The following RIMS1 variants were observed in gnomAD, a reference collection of about 807,000 sequenced individuals.
RIMS1 encodes the protein regulating synaptic membrane exocytosis 1, also known as regulating synaptic membrane exocytosis protein 1.
Under a neutral mutation model 214.1 loss-of-function variants are expected in RIMS1, and 83 were observed. The observed-to-expected ratio is 0.39, with a 90% CI of 0.32 to 0.47. The LOEUF is 0.47. Among genes scored for constraint, RIMS1 ranks in the 20% least tolerant of loss-of-function variants. The pLI is 0.99. For missense variants in RIMS1, 2,050 were observed against 2,161.8 expected (o/e 0.95, Z 1.03); for synonymous variants, 793 against 786.8 (o/e 1.01, Z -0.13).
At chr6:71,916,249 T>G (rs1376536431) in intron 1 of RIMS1, among the ~76,000 whole-genome samples, 1 of 152,140 alleles carries the variant, frequency 6.6e-6, no homozygotes, top group Non-Finnish European at 1.5e-5. Context: ...AAAGCTGGAA[T>G]GAGCTCCCAG....
intron 4 of RIMS1, among the ~76,000 whole-genome samples, chr6:72,145,816 G>A (rs2042673915): frequency 6.6e-6 from 1 of 152,090 alleles, no homozygotes; most frequent in African/African-American, 2.4e-5. Context: ...ACAAAAAACA[G>A]TTTCTCCAAT....
At chr6:72,335,580 A>G (rs577635258) in intron 29 of RIMS1, among the ~76,000 whole-genome samples, 6 of 152,154 alleles carry the variant, frequency 3.9e-5, no homozygotes, top group African/African-American at 1.4e-4. Flanking sequence ...TCCTTTGGAT[A>G]TATACCCAGT....
At chr6:72,258,866 T>C in intron 17 of RIMS1, 120 bp from the exon 18 acceptor site, 1 of 946,474 alleles carries the variant, frequency 1.1e-6, no homozygotes, top group Admixed American at 1.9e-5. Flanking sequence ...GTTTTGATTA[T>C]GATGCAAATA....
chr6:71,973,973 A>T (rs968729774), intron 2 of RIMS1, among the ~76,000 whole-genome samples: 2 of 152,130 alleles, frequency 1.3e-5, no homozygotes, highest in Non-Finnish European at 2.9e-5. Context: ...CAGTGGAGTC[A>T]TGCTGTACTG....
At chr6:72,388,942 CTT>C (rs2098658476) in intron 29 of RIMS1, among the ~76,000 whole-genome samples, 1 of 152,098 alleles carries the variant, frequency 6.6e-6, no homozygotes, top group Admixed American at 6.5e-5. Context: ...GGATTAATGA[CTT>C]CAGCATTTAT....
chr6:72,182,670 C>A lies in RIMS1; in HGVS notation c.1199C>A (p.Ala400Glu), dbSNP rs751895213. Residue 400 changes from alanine to glutamate, a missense_variant, in exon 6 of 34, where the codon GCG (alanine) becomes GAG (glutamate). Ala to Glu is a moderately radical substitution (Grantham distance 107, BLOSUM62 -1). Transcript: ENST00000521978. ...GACGTGGCGCTCCCGCGCACCGAGGCGGGCGCGGCGCTGCCGGAGGGCAAG... is the reference window on the plus strand; with the variant it reads ...GACGTGGCGCTCCCGCGCACCGAGGAGGGCGCGGCGCTGCCGGAGGGCAAG... ...HSDVALPRTE[A>E]GAALPEGKAG... is the part of the protein sequence containing the mutation. 3 of 1,447,252 alleles carry A rather than the reference C, an allele frequency of 2.1e-6. No homozygotes were observed. The highest frequency in any genetic ancestry group is 2.7e-6 in the Non-Finnish European group (3 of 1,105,900). 89.7% of individuals were successfully genotyped at this position (1,447,252 alleles called of 1,614,324 possible). A position where few individuals can be genotyped will look rare whatever the true frequency, so the allele number is the denominator to read the frequency against.
chr6:71,982,926 C>T (rs779914201), intron 2 of RIMS1, among the ~76,000 whole-genome samples: 1 of 152,170 alleles, frequency 6.6e-6, no homozygotes, highest in Non-Finnish European at 1.5e-5. Flanking sequence ...ACACTAACTT[C>T]TCTGGTCTAA....
chr6:72,301,186 A>G (rs868736589), intron 26 of RIMS1, among the ~76,000 whole-genome samples: 6 of 151,810 alleles, frequency 4.0e-5, no homozygotes, highest in African/African-American at 1.4e-4. Flanking sequence ...AGAGAAAAGG[A>G]TGTTATAAGG....
chr6:72,168,618 A>G (rs975159029), intron 4 of RIMS1, among the ~76,000 whole-genome samples: 2 of 151,794 alleles, frequency 1.3e-5, no homozygotes, highest in African/African-American at 2.4e-5. Context: ...CCAAGGTCAT[A>G]TACCAGTCAA....
At chr6:72,131,918 C>G (rs540108760) in intron 4 of RIMS1, among the ~76,000 whole-genome samples, 5 of 152,252 alleles carry the variant, frequency 3.3e-5, no homozygotes, top group Admixed American at 6.5e-5. Context: ...AAAAACAATT[C>G]AGTGATATTT....
At chr6:72,131,851 G>C (rs529256570) in intron 4 of RIMS1, among the ~76,000 whole-genome samples, 1 of 152,098 alleles carries the variant, frequency 6.6e-6, no homozygotes, top group Admixed American at 6.6e-5. Context: ...CAAGGGGGCC[G>C]TGTATAGACC....
chr6:72,241,073 A>T (rs1159656383), intron 9 of RIMS1, among the ~76,000 whole-genome samples: 2 of 152,200 alleles, frequency 1.3e-5, no homozygotes, highest in Non-Finnish European at 2.9e-5. Flanking sequence ...AGCATCATGT[A>T]CTTTTTGCAT....
chr6:72,152,826 ATG>A lies in RIMS1; in HGVS notation c.472-26747_472-26746del, dbSNP rs1393660796. Among the ~76,000 whole-genome samples the A allele has an allele frequency of 1.9e-4, 10 of 53,892 alleles. No homozygotes were observed. In the East Asian group the frequency reaches 7.8e-3, roughly 42 times the overall value. 35.4% of individuals were successfully genotyped at this position (53,892 alleles called of 152,430 possible). The stretch of plus-strand genomic sequence containing the variant: ...ATATATATGTATATATATGGAATAT[ATG>A]TATATATATGTATATATGGAATATA... On this transcript the variant is annotated intron_variant, in intron 4 of 33. Transcript: ENST00000521978.
At chr6:72,034,383 C>A (rs1818995292) in intron 2 of RIMS1, among the ~76,000 whole-genome samples, 1 of 151,992 alleles carries the variant, frequency 6.6e-6, no homozygotes, top group Non-Finnish European at 1.5e-5. Flanking sequence ...AAGCAAATTT[C>A]TATTTTGTAA....
Position 72,196,081 on chromosome 6 carries a change from T to TACAATTCAAGA in RIMS1, c.1678+12932_1678+12933insACAATTCAAGA, listed in dbSNP as rs1449237983. Among the ~76,000 whole-genome samples the TACAATTCAAGA allele has an allele frequency of 5.9e-5, 9 of 152,018 alleles. No homozygotes were observed. In the East Asian group the frequency reaches 1.7e-3, roughly 29 times the overall value. ...TGGGGATTACAATTCAAGATGAGAT[T>TACAATTCAAGA]TGGGTGGGGACACAAAGCCTAACCA... On this transcript the variant is annotated intron_variant, in intron 6 of 33. Transcript: ENST00000521978.
At chr6:72,163,579 GT>G (rs1045233648) in intron 4 of RIMS1, among the ~76,000 whole-genome samples, 3 of 140,864 alleles carry the variant, frequency 2.1e-5, no homozygotes, top group African/African-American at 7.4e-5. Flanking sequence ...TGTCCTTTCT[GT>G]TTGTTAGTTT....
intron 29 of RIMS1, among the ~76,000 whole-genome samples, chr6:72,352,166 C>T (rs995464747): frequency 1.3e-5 from 2 of 152,212 alleles, no homozygotes; most frequent in Admixed American, 1.3e-4. Flanking sequence ...CTATCTTAAA[C>T]TGTTCAGAAT....
intron 22 of RIMS1, among the ~76,000 whole-genome samples, chr6:72,271,906 C>T (rs1421117382): frequency 6.6e-6 from 1 of 152,126 alleles, no homozygotes; most frequent in Admixed American, 6.6e-5. Flanking sequence ...AGTTCACAGC[C>T]TTTTTATTCA....
At chr6:71,971,103 A>G (rs923784814) in intron 2 of RIMS1, among the ~76,000 whole-genome samples, 1 of 152,180 alleles carries the variant, frequency 6.6e-6, no homozygotes, top group Non-Finnish European at 1.5e-5. Context: ...ATTTCTCTAT[A>G]TGGTAACTGT....
Sources: gnomAD v4.1 joint callset for allele counts (sites outside exome capture counted in the v4.1 genomes callset) on GRCh38, gnomAD v4.1.1 for gene constraint, MANE v1.5 for transcripts, NCBI Gene and HGNC (gene_info 2026-07-23, HGNC 2026-07-21) for gene names.